CDH18: variants seen among roughly 807,000 people sequenced by gnomAD.
CDH18 encodes cadherin-18.
In CDH18, 31 loss-of-function variants were observed where a neutral mutation model predicts 67.9. The ratio of observed to expected loss-of-function variants is 0.46; its 90% CI spans 0.34 to 0.62. The LOEUF (loss-of-function observed/expected upper bound fraction) is 0.62. Among genes scored for constraint, CDH18 ranks in the 20% least tolerant of loss-of-function variants. The pLI, the probability that CDH18 is intolerant of heterozygous loss-of-function variation, is 0.01. For missense variants in CDH18, 890 were observed against 975.5 expected, an observed-to-expected ratio of 0.91 and a Z score of 1.17; for synonymous variants, 362 against 347.2, an observed-to-expected ratio of 1.04 and a Z score of -0.48.
intron 1 of CDH18, among the ~76,000 whole-genome samples, chr5:20,532,308 T>G (rs1756454367): frequency 6.6e-6 from 1 of 152,144 alleles, no homozygotes; most frequent in East Asian, 1.9e-4. Context: ...TATACCCATA[T>G]TTTACTTTCT....
intron 2 of CDH18, among the ~76,000 whole-genome samples, chr5:19,907,952 A>G (rs1032825328): frequency 1.3e-5 from 2 of 152,074 alleles, no homozygotes. Flanking sequence ...TATATACTTT[A>G]AAATCCTTAA....
intron 10 of CDH18, among the ~76,000 whole-genome samples, chr5:19,512,217 A>G (rs1225148385): frequency 2.6e-5 from 4 of 152,190 alleles, no homozygotes; most frequent in African/African-American, 9.6e-5. Context: ...ATATTATGAG[A>G]ATATACTTTA....
chr5:19,863,569 T>C (rs1325356689), intron 2 of CDH18, among the ~76,000 whole-genome samples: 1 of 152,182 alleles, frequency 6.6e-6, no homozygotes, highest in East Asian at 1.9e-4. Flanking sequence ...ACACCGTTAA[T>C]TGGGCTTGAC....
intron 10 of CDH18, among the ~76,000 whole-genome samples, chr5:19,504,702 T>C (rs1743811382): frequency 6.6e-6 from 1 of 152,146 alleles, no homozygotes; most frequent in South Asian, 2.1e-4. Flanking sequence ...TTACCTCTTT[T>C]TTCCCCTTCT....
chr5:19,889,292 C>A (rs1393608473), intron 2 of CDH18, among the ~76,000 whole-genome samples: 1 of 151,812 alleles, frequency 6.6e-6, no homozygotes, highest in African/African-American at 2.4e-5. Context: ...AAATTGACAT[C>A]AAATGTTAGC....
At chr5:20,557,928 T>A (rs184278349) in intron 1 of CDH18, among the ~76,000 whole-genome samples, 2,655 of 34,586 alleles carry the variant, frequency 0.077, 315 homozygotes, top group African/African-American at 0.18. Flanking sequence ...ATATAACATT[T>A]AATGTTATAG....
At chr5:19,813,656 C>T (rs1212790452) in intron 3 of CDH18, among the ~76,000 whole-genome samples, 2 of 152,026 alleles carry the variant, frequency 1.3e-5, no homozygotes, top group Non-Finnish European at 2.9e-5. Flanking sequence ...AATATTGACA[C>T]TTGTAGTCAT....
chr5:19,729,282 T>C (rs1195258040), intron 4 of CDH18, among the ~76,000 whole-genome samples: 1 of 152,228 alleles, frequency 6.6e-6, no homozygotes, highest in African/African-American at 2.4e-5. Context: ...TTGAATTTAA[T>C]AAAATAATTA....
chr5:20,427,494 AAT>A (rs1453348596), intron 1 of CDH18, among the ~76,000 whole-genome samples: 1 of 151,252 alleles, frequency 6.6e-6, no homozygotes, highest in Non-Finnish European at 1.5e-5. Context: ...CAAATTTTCA[AAT>A]ATGAGCAAGA....
In CDH18 at chr5:19,904,667, G is replaced by A. The variant is rs199791122; in HGVS notation, c.-256-65425C>T. ...TGGCTAAATGACTACTATATTTGGT[G>A]ATAGCTTTTCTCATCTGAAAAACAA... On this transcript the variant is annotated intron_variant, in intron 2 of 12. Transcript: ENST00000382275. 7.6e-4 allele frequency among the ~76,000 whole-genome samples: 116 copies of A among 152,238 alleles called. 2 individuals are homozygous for A. In the East Asian group the frequency reaches 0.015, roughly 20 times the overall value.
At chr5:20,406,551 A>G (rs1405738678) in intron 1 of CDH18, among the ~76,000 whole-genome samples, 1 of 148,986 alleles carries the variant, frequency 6.7e-6, no homozygotes, top group African/African-American at 2.5e-5. Flanking sequence ...CGTTGTGCAC[A>G]TGTACCCTAA....
chr5:20,134,251 C>A (rs942196749), intron 2 of CDH18, among the ~76,000 whole-genome samples: 1 of 152,162 alleles, frequency 6.6e-6, no homozygotes, highest in Non-Finnish European at 1.5e-5. Flanking sequence ...GCTGATATTA[C>A]AGATGTGAGT....
At chr5:19,520,613 C>A in intron 10 of CDH18, 44 bp downstream of exon 10, 1 of 1,566,472 alleles carries the variant, frequency 6.4e-7, no homozygotes, top group Non-Finnish European at 8.6e-7. Context: ...AAGGCGCTTG[C>A]ATTTATTCCA....
chr5:20,484,868 T>C (rs1242907382), intron 1 of CDH18, among the ~76,000 whole-genome samples: 1 of 152,036 alleles, frequency 6.6e-6, no homozygotes, highest in Non-Finnish European at 1.5e-5. Context: ...GATCTAGTGT[T>C]CAATAGCACA....
intron 7 of CDH18, among the ~76,000 whole-genome samples, chr5:19,580,383 T>C (rs1580320792): frequency 1.3e-5 from 2 of 152,030 alleles, no homozygotes; most frequent in Middle Eastern, 3.4e-3. Flanking sequence ...ACATCTTGTA[T>C]TATAACAATA....
intron 5 of CDH18, among the ~76,000 whole-genome samples, chr5:19,648,212 C>T (rs1020470455): frequency 6.7e-5 from 10 of 150,154 alleles, no homozygotes; most frequent in South Asian, 2.1e-4. Flanking sequence ...GTCGGTAGTT[C>T]GAGACCAGCC....
At chr5:19,820,924 A>G (rs1779805151) in intron 3 of CDH18, among the ~76,000 whole-genome samples, 2 of 152,156 alleles carry the variant, frequency 1.3e-5, no homozygotes, top group African/African-American at 4.8e-5. Context: ...CACAACAGGA[A>G]AAAAAATAAA....
At chr5:20,546,331 G>A (rs1426481678) in intron 1 of CDH18, among the ~76,000 whole-genome samples, 1 of 151,760 alleles carries the variant, frequency 6.6e-6, no homozygotes, top group African/African-American at 2.4e-5. Context: ...ACATTTTCAG[G>A]TTATCTTTAT....
At chr5:20,494,624 C>A (rs951110994) in intron 1 of CDH18, among the ~76,000 whole-genome samples, 1 of 152,026 alleles carries the variant, frequency 6.6e-6, no homozygotes, top group Non-Finnish European at 1.5e-5. Flanking sequence ...AAAAGAAGAA[C>A]ATTTTGAAGA....
Sources: allele counts gnomAD v4.1 joint callset (sites outside exome capture counted in the v4.1 genomes callset), GRCh38; gene constraint gnomAD v4.1.1; transcripts MANE v1.5; gene names NCBI Gene and HGNC (gene_info 2026-07-23, HGNC 2026-07-21).